Variants in PRCC observed in about 807,000 individuals in gnomAD.
PRCC encodes the protein proline rich mitotic checkpoint control factor, also known as proline-rich protein PRCC.
A neutral mutation model predicts 44.0 loss-of-function variants in PRCC; 10 were observed. That is an observed-to-expected ratio of 0.23 (90% confidence interval 0.14 to 0.39). The LOEUF is 0.39. Ranked by LOEUF, PRCC falls within the 10% of genes least tolerant of loss-of-function variation. The pLI, the probability that PRCC is intolerant of heterozygous loss-of-function variation, is 1.00. For missense variants in PRCC, 573 were observed against 624.7 expected, an observed-to-expected ratio of 0.92 and a Z score of 0.88; for synonymous variants, 278 against 259.5, an observed-to-expected ratio of 1.07 and a Z score of -0.69.
chr1:156,788,737 G>C (rs1273562639), intron 3 of PRCC, among the ~76,000 whole-genome samples: 1 of 139,726 alleles, frequency 7.2e-6, no homozygotes, highest in Non-Finnish European at 1.5e-5. Context: ...ATCTCAGCTC[G>C]CCGCAACTCT....
intron 4 of PRCC, among the ~76,000 whole-genome samples, chr1:156,793,662 C>T (rs147879395): frequency 3.9e-4 from 60 of 152,238 alleles, no homozygotes; most frequent in African/African-American, 1.3e-3. Context: ...CAGAGATGGA[C>T]AAACAACTGA....
chr1:156,788,725 C>T lies in PRCC; in HGVS notation c.1083+1551C>T, dbSNP rs1159400430. Reference sequence around the variant, plus strand: ...TCGCCCAGGCTGGAGTGCAATGGTGCGATCTCAGCTCGCCGCAACTCTGCC... The same window carrying T: ...TCGCCCAGGCTGGAGTGCAATGGTGTGATCTCAGCTCGCCGCAACTCTGCC... On this transcript the variant is annotated intron_variant, in intron 3 of 6. Transcript: ENST00000271526. Among the ~76,000 whole-genome samples, 7 of 142,328 alleles carry T rather than the reference C, an allele frequency of 4.9e-5. No homozygotes were observed. The East Asian group carries it at 6.2e-4, about 13-fold the overall frequency. 93.4% of individuals were successfully genotyped at this position (142,328 alleles called of 152,430 possible).
intron 2 of PRCC, among the ~76,000 whole-genome samples, chr1:156,785,739 C>T (rs1652218774): frequency 6.6e-6 from 1 of 151,856 alleles, no homozygotes; most frequent in Non-Finnish European, 1.5e-5. Context: ...TGGGCCTCCA[C>T]TCTTTCCTAG....
At chr1:156,783,962 G>C (rs575092002) in intron 2 of PRCC, among the ~76,000 whole-genome samples, 69 of 148,084 alleles carry the variant, frequency 4.7e-4, no homozygotes, top group African/African-American at 1.6e-3. Context: ...TTTTTTTTTG[G>C]GGGGGACGGA....
At chr1:156,797,384 A>G in intron 6 of PRCC, 43 bp downstream of exon 6, 3 of 1,610,072 alleles carry the variant, frequency 1.9e-6, no homozygotes, top group Non-Finnish European at 2.5e-6. Context: ...GGATCTCTGT[A>G]AATCTGGGAA....
chr1:156,780,809 C>T (rs951194181), intron 1 of PRCC, among the ~76,000 whole-genome samples: 2 of 151,958 alleles, frequency 1.3e-5, no homozygotes, highest in Admixed American at 1.3e-4. Flanking sequence ...CTCACTGCAA[C>T]CTCTGCTTCC....
chr1:156,772,218 C>T (rs1339334653), intron 1 of PRCC, among the ~76,000 whole-genome samples: 1 of 152,164 alleles, frequency 6.6e-6, no homozygotes, highest in Non-Finnish European at 1.5e-5. Flanking sequence ...GAAGGATGGC[C>T]ACCCACACCT....
At chr1:156,772,914 G>A (rs1651685777) in intron 1 of PRCC, among the ~76,000 whole-genome samples, 1 of 152,210 alleles carries the variant, frequency 6.6e-6, no homozygotes, top group African/African-American at 2.4e-5. Flanking sequence ...TGAAAACACA[G>A]TTTGTGAGTA....
chr1:156,771,466 TC>T (rs1490514113), intron 1 of PRCC, among the ~76,000 whole-genome samples: 2 of 152,020 alleles, frequency 1.3e-5, no homozygotes, highest in African/African-American at 4.8e-5. Flanking sequence ...AACTGGAGCA[TC>T]GAGGTATATT....
At chr1:156,790,588 C>G (rs1190627875) in intron 3 of PRCC, among the ~76,000 whole-genome samples, 1 of 152,214 alleles carries the variant, frequency 6.6e-6, no homozygotes, top group East Asian at 1.9e-4. Flanking sequence ...CGCCATTGCA[C>G]TCCAGCCTGG....
chr1:156,783,317 G>C (rs1652115714), intron 2 of PRCC, among the ~76,000 whole-genome samples: 1 of 152,154 alleles, frequency 6.6e-6, no homozygotes, highest in African/African-American at 2.4e-5. Flanking sequence ...GTTTGCTTCT[G>C]TTTCCCCTCA....
At position 156,767,685 on chromosome 1, in the gene PRCC, G is replaced by A; in HGVS notation, c.-87G>A. 2 of 1,358,506 alleles carry A rather than the reference G, an allele frequency of 1.5e-6. No homozygotes were observed. The highest frequency in any genetic ancestry group is 2.0e-6 in the Non-Finnish European group (2 of 1,015,256). 84.2% of individuals were successfully genotyped at this position (1,358,506 alleles called of 1,614,324 possible). A position where few individuals can be genotyped will look rare whatever the true frequency, so the allele number is the denominator to read the frequency against. On this transcript the variant is annotated 5_prime_UTR_variant, in exon 1 of 7. In the 5' UTR this introduces an upstream ATG that the reference lacks. Transcript: ENST00000271526. ...ACTTTTCGGTTCCCCGCCCCGCCAGGTGGCGGGGCCTACTAGGCCTCCGGG... is the reference window on the plus strand; with the variant it reads ...ACTTTTCGGTTCCCCGCCCCGCCAGATGGCGGGGCCTACTAGGCCTCCGGG...
At chr1:156,779,580 G>T (rs1427268889) in intron 1 of PRCC, among the ~76,000 whole-genome samples, 1 of 152,050 alleles carries the variant, frequency 6.6e-6, no homozygotes, top group Non-Finnish European at 1.5e-5. Flanking sequence ...TATTGGCCAG[G>T]CTGGTCTCGA....
At chr1:156,783,947 A>AT (rs71080797) in intron 2 of PRCC, among the ~76,000 whole-genome samples, 61,836 of 144,618 alleles carry the variant, frequency 0.43, 13,798 homozygotes, top group East Asian at 0.76. Flanking sequence ...TATTTATTTA[A>AT]TTTTTTTTTT....
chr1:156,777,372 G>A (rs931666584), intron 1 of PRCC, among the ~76,000 whole-genome samples: 2 of 152,138 alleles, frequency 1.3e-5, no homozygotes, highest in African/African-American at 2.4e-5. Context: ...TAATAATAAT[G>A]CCTACTTTGA....
At chr1:156,777,427 T>C (rs1651866743) in intron 1 of PRCC, among the ~76,000 whole-genome samples, 1 of 152,216 alleles carries the variant, frequency 6.6e-6, no homozygotes, top group Non-Finnish European at 1.5e-5. Context: ...AATTGCCTGA[T>C]ACATAGGAAG....
chr1:156,790,726 A>G (rs530814427), intron 3 of PRCC, among the ~76,000 whole-genome samples: 33 of 152,362 alleles, frequency 2.2e-4, no homozygotes, highest in African/African-American at 7.2e-4. Flanking sequence ...ATATGCAGTT[A>G]TAAACACCAC....
At chr1:156,793,435 T>G (rs1217222818) in intron 4 of PRCC, among the ~76,000 whole-genome samples, 1 of 152,242 alleles carries the variant, frequency 6.6e-6, no homozygotes, top group Non-Finnish European at 1.5e-5. Context: ...TTGTGTGATT[T>G]GCATTTTGCT....
At chr1:156,786,042 C>G (rs553154388) in intron 2 of PRCC, among the ~76,000 whole-genome samples, 207 of 152,286 alleles carry the variant, frequency 1.4e-3, no homozygotes, top group Admixed American at 4.3e-3. Context: ...AAACTCCTGA[C>G]CTCATGATCC....
Sources: gnomAD v4.1 joint callset for allele counts (sites outside exome capture counted in the v4.1 genomes callset) on GRCh38, gnomAD v4.1.1 for gene constraint, MANE v1.5 for transcripts, NCBI Gene and HGNC (gene_info 2026-07-23, HGNC 2026-07-21) for gene names.